DLGAP2: variants seen among roughly 807,000 people sequenced by gnomAD.
DLGAP2 encodes disks large-associated protein 2.
DLGAP2 carries 26 observed loss-of-function variants against 100.3 expected under a neutral mutation model. The observed-to-expected ratio is 0.26, with a 90% CI of 0.19 to 0.36. The LOEUF (loss-of-function observed/expected upper bound fraction) is 0.36, where lower values mean the gene tolerates loss of function less well. Among genes scored for constraint, DLGAP2 ranks in the 10% least tolerant of loss-of-function variants. The pLI, the probability that DLGAP2 is intolerant of heterozygous loss-of-function variation, is 1.00. For synonymous variants in DLGAP2, 886 were observed against 630.1 expected, an observed-to-expected ratio of 1.41 and a Z score of -6.08; for missense variants, 1,858 against 1,453.2, an observed-to-expected ratio of 1.28 and a Z score of -4.53.
intron 14 of DLGAP2, among the ~76,000 whole-genome samples, chr8:1,699,675 A>G (rs543146231): frequency 2.0e-5 from 3 of 152,034 alleles, no homozygotes; most frequent in Non-Finnish European, 4.4e-5. Flanking sequence ...GCCAGTCCAG[A>G]AAGCGAGCAG....
chr8:1,061,120 A>G (rs1585023777), intron 2 of DLGAP2, among the ~76,000 whole-genome samples: 1 of 152,186 alleles, frequency 6.6e-6, no homozygotes, highest in African/African-American at 2.4e-5. Context: ...TCTGTTTTCC[A>G]GGAAGATTCT....
chr8:1,692,899 A>AAT (rs1048214805), intron 13 of DLGAP2, among the ~76,000 whole-genome samples: 4 of 147,994 alleles, frequency 2.7e-5, no homozygotes, highest in Admixed American at 2.0e-4. Flanking sequence ...CTTATATATA[A>AAT]ATATATATAC....
In DLGAP2 at chr8:1,341,841, C is replaced by T. The variant is rs571018777; in HGVS notation, c.106+82958C>T. The stretch of plus-strand genomic sequence containing the variant: ...TGGCACATTGCCTACAGAACATGGA[C>T]CTGTAGCTTATGGGAGCTGAAATCA... On this transcript the variant is annotated intron_variant, in intron 3 of 14. Coordinates refer to ENST00000637795, the MANE Select transcript of DLGAP2 (RefSeq NM_001346810.2). Among the ~76,000 whole-genome samples the T allele has an allele frequency of 2.8e-4, 43 of 152,320 alleles. 1 individual carries two copies. The highest frequency in any genetic ancestry group is 4.6e-4 in the Admixed American group (7 of 15,296).
intron 6 of DLGAP2, among the ~76,000 whole-genome samples, chr8:1,606,278 A>G (rs1796796395): frequency 2.6e-5 from 4 of 151,618 alleles, no homozygotes; most frequent in Admixed American, 2.0e-4. Flanking sequence ...TTTAAGAACC[A>G]TACAATTCAT....
chr8:1,190,497 C>G (rs1250689030), intron 2 of DLGAP2, among the ~76,000 whole-genome samples: 1 of 152,250 alleles, frequency 6.6e-6, no homozygotes, highest in Admixed American at 6.5e-5. Context: ...TTCCCGGCAG[C>G]ATCTCATGCA....
intron 2 of DLGAP2, among the ~76,000 whole-genome samples, chr8:951,895 T>G (rs1799488824): frequency 6.6e-6 from 1 of 152,190 alleles, no homozygotes; most frequent in Admixed American, 6.5e-5. Flanking sequence ...CCTGGTAGAC[T>G]CATTGGAACC....
intron 2 of DLGAP2, among the ~76,000 whole-genome samples, chr8:1,138,850 G>T (rs538126591): frequency 4.0e-5 from 6 of 151,628 alleles, no homozygotes; most frequent in African/African-American, 1.5e-4. Context: ...TGCGGCTGGT[G>T]GGAAACTCTT....
intron 1 of DLGAP2, among the ~76,000 whole-genome samples, chr8:838,564 TA>T (rs746621721): frequency 6.6e-6 from 1 of 152,134 alleles, no homozygotes; most frequent in Non-Finnish European, 1.5e-5. Context: ...TAAAAAATAT[TA>T]ATTATAGATC....
At chr8:1,619,412 C>G (rs528082614) in intron 6 of DLGAP2, among the ~76,000 whole-genome samples, 73 of 152,340 alleles carry the variant, frequency 4.8e-4, no homozygotes, top group African/African-American at 1.6e-3. Flanking sequence ...CTTTCACTGT[C>G]TATCAATTTT....
chr8:1,412,917 C>T (rs1796774153), intron 3 of DLGAP2, among the ~76,000 whole-genome samples: 1 of 152,224 alleles, frequency 6.6e-6, no homozygotes, highest in East Asian at 1.9e-4. Flanking sequence ...ACTTCCCTCC[C>T]TCCTGCTGGG....
chr8:1,364,688 G>T (rs1563107301), intron 3 of DLGAP2, among the ~76,000 whole-genome samples: 1 of 152,236 alleles, frequency 6.6e-6, no homozygotes, highest in African/African-American at 2.4e-5. Flanking sequence ...GACTGGCAAG[G>T]AGGACTCCAA....
intron 2 of DLGAP2, among the ~76,000 whole-genome samples, chr8:910,977 C>T (rs539284681): frequency 3.3e-5 from 5 of 152,058 alleles, no homozygotes; most frequent in Non-Finnish European, 5.9e-5. Context: ...CTCAAGGCAT[C>T]GTGCAGTTAA....
At chr8:1,640,342 G>A (rs1229722114) in intron 8 of DLGAP2, among the ~76,000 whole-genome samples, 3 of 128,928 alleles carry the variant, frequency 2.3e-5, no homozygotes, top group Non-Finnish European at 4.9e-5. Context: ...GGAAGCCCAG[G>A]CGTGCTGTCC....
At chr8:1,211,789 T>C (rs1487998426) in intron 2 of DLGAP2, among the ~76,000 whole-genome samples, 1 of 152,168 alleles carries the variant, frequency 6.6e-6, no homozygotes, top group Non-Finnish European at 1.5e-5. Context: ...GCAGGAGAAT[T>C]GCTTGAACCC....
intron 1 of DLGAP2, among the ~76,000 whole-genome samples, chr8:863,760 T>C (rs1797438619): frequency 6.6e-6 from 1 of 152,162 alleles, no homozygotes; most frequent in African/African-American, 2.4e-5. Context: ...AGGGGAACTC[T>C]TACACGCTGT....
chr8:1,366,073 T>A (rs2129682458), intron 3 of DLGAP2, among the ~76,000 whole-genome samples: 1 of 152,352 alleles, frequency 6.6e-6, no homozygotes, highest in East Asian at 1.9e-4. Flanking sequence ...CAGATGTGCC[T>A]TATGTCACTG....
intron 3 of DLGAP2, among the ~76,000 whole-genome samples, chr8:1,477,867 C>T (rs1798979406): frequency 6.6e-6 from 1 of 151,436 alleles, no homozygotes; most frequent in African/African-American, 2.4e-5. Context: ...ATTCCAGATG[C>T]CGGTGTCGGG....
intron 3 of DLGAP2, among the ~76,000 whole-genome samples, chr8:1,333,288 G>A (rs1383747729): frequency 2.0e-5 from 3 of 152,116 alleles, no homozygotes; most frequent in Non-Finnish European, 4.4e-5. Flanking sequence ...ATGGCACCTC[G>A]AGTCTCAGGA....
At chr8:1,041,118 A>G (rs1193313207) in intron 2 of DLGAP2, among the ~76,000 whole-genome samples, 1 of 152,146 alleles carries the variant, frequency 6.6e-6, no homozygotes, top group African/African-American at 2.4e-5. Flanking sequence ...TGTCCTCGGC[A>G]ATGGATATGG....
Sources: gnomAD v4.1 joint callset for allele counts (sites outside exome capture counted in the v4.1 genomes callset) on GRCh38, gnomAD v4.1.1 for gene constraint, MANE v1.5 for transcripts, NCBI Gene and HGNC (gene_info 2026-07-23, HGNC 2026-07-21) for gene names.